POU2AF2: variants seen among roughly 807,000 people sequenced by gnomAD.
POU2AF2 encodes the protein POU class 2 homeobox associating factor 2, also known as POU domain class 2-associating factor 2.
the POU2AF2 span, among the ~76,000 whole-genome samples, chr11:111,258,969 T>C: frequency 2.0e-5 from 3 of 152,338 alleles, no homozygotes; most frequent in South Asian, 4.1e-4. Flanking sequence ...ACATGTAATA[T>C]ATAGTTTGTG....
At chr11:111,264,540 GAA>G in the POU2AF2 span, among the ~76,000 whole-genome samples, 243 of 63,770 alleles carry the variant, frequency 3.8e-3, 12 homozygotes, top group African/African-American at 0.012. Context: ...AAGAAAGAAA[GAA>G]AGAAAGAAAG....
At chr11:111,286,093 G>C in the POU2AF2 span, 1 of 1,594,744 alleles carries the variant, frequency 6.3e-7, no homozygotes, top group East Asian at 2.3e-5. Context: ...TCTTTAACTT[G>C]AGGTGTATTC....
At chr11:111,285,970 C>T in the POU2AF2 span, 24 of 1,613,794 alleles carry the variant, frequency 1.5e-5, no homozygotes, top group South Asian at 2.2e-5. Context: ...AAGCAGACAC[C>T]GGTTCCCTCC....
At chr11:111,276,453 A>AAAATATATATATATATAT in the POU2AF2 span, among the ~76,000 whole-genome samples, 49 of 37,488 alleles carry the variant, frequency 1.3e-3, no homozygotes, top group East Asian at 2.5e-3. Context: ...AAAAAAAAAA[A>AAAATATATATATATATAT]ATATATATAT....
the POU2AF2 span, among the ~76,000 whole-genome samples, chr11:111,253,914 C>T: frequency 6.6e-6 from 1 of 152,210 alleles, no homozygotes; most frequent in African/African-American, 2.4e-5. Context: ...TAAGCCCCAA[C>T]TCAGGTATCA....
chr11:111,278,544 ATCTC>A, the POU2AF2 span, among the ~76,000 whole-genome samples: 4 of 139,092 alleles, frequency 2.9e-5, no homozygotes, highest in African/African-American at 8.5e-5. Flanking sequence ...CAGAGAGATG[ATCTC>A]TCTCTCTGTC....
At chr11:111,266,001 C>A in the POU2AF2 span, among the ~76,000 whole-genome samples, 2 of 151,980 alleles carry the variant, frequency 1.3e-5, no homozygotes, top group African/African-American at 4.8e-5. Context: ...AAGATAATTT[C>A]AACTGCTCCC....
the POU2AF2 span, among the ~76,000 whole-genome samples, chr11:111,253,625 T>C: frequency 6.6e-6 from 1 of 152,206 alleles, no homozygotes; most frequent in Non-Finnish European, 1.5e-5. Flanking sequence ...TTCCCGCAGC[T>C]TTGTGATTCT....
the POU2AF2 span, among the ~76,000 whole-genome samples, chr11:111,257,919 A>T: frequency 6.6e-6 from 1 of 151,872 alleles, no homozygotes; most frequent in South Asian, 2.1e-4. Context: ...GGAGTTCCAG[A>T]CCAGCCTGGC....
the POU2AF2 span, among the ~76,000 whole-genome samples, chr11:111,276,113 A>C: frequency 1.3e-5 from 2 of 152,020 alleles, no homozygotes; most frequent in African/African-American, 4.8e-5. Flanking sequence ...GATGGCTGAC[A>C]TTTTTTCAGA....
chr11:111,284,035 G>T, the POU2AF2 span: 1 of 1,590,854 alleles, frequency 6.3e-7, no homozygotes, highest in Non-Finnish European at 8.6e-7. Context: ...TGACCGCCCT[G>T]GGAGGAATTT....
At chr11:111,280,057 A>AAATATATAT in the POU2AF2 span, among the ~76,000 whole-genome samples, 8 of 76,480 alleles carry the variant, frequency 1.0e-4, no homozygotes, top group African/African-American at 2.5e-4. Flanking sequence ...AAAAAAAAAA[A>AAATATATAT]ATATATATAT....
At chr11:111,276,328 T>A in the POU2AF2 span, among the ~76,000 whole-genome samples, 1 of 151,036 alleles carries the variant, frequency 6.6e-6, no homozygotes, top group African/African-American at 2.4e-5. Context: ...CCGGGCGCGG[T>A]GGCTCCTACC....
chr11:111,274,602 TAGAC>T, the POU2AF2 span, among the ~76,000 whole-genome samples: 14 of 151,184 alleles, frequency 9.3e-5, no homozygotes, highest in South Asian at 2.1e-4. Flanking sequence ...CAGAGACAGA[TAGAC>T]AGACAGACAG....
At chr11:111,284,667 T>G in the POU2AF2 span, among the ~76,000 whole-genome samples, 1 of 152,206 alleles carries the variant, frequency 6.6e-6, no homozygotes, top group African/African-American at 2.4e-5. Flanking sequence ...TTGCCTGATG[T>G]TCCCCCACCC....
the POU2AF2 span, among the ~76,000 whole-genome samples, chr11:111,280,765 C>T: frequency 2.0e-5 from 3 of 152,002 alleles, no homozygotes; most frequent in Non-Finnish European, 4.4e-5. Flanking sequence ...AAAAAGTAAA[C>T]GTTCTCAACT....
At chr11:111,273,823 C>A in the POU2AF2 span, among the ~76,000 whole-genome samples, 1 of 152,170 alleles carries the variant, frequency 6.6e-6, no homozygotes, top group Non-Finnish European at 1.5e-5. Flanking sequence ...TTGGGGGCAG[C>A]TGTGAGCCTG....
At chr11:111,254,318 AATG>A in the POU2AF2 span, among the ~76,000 whole-genome samples, 2 of 152,244 alleles carry the variant, frequency 1.3e-5, no homozygotes, top group African/African-American at 2.4e-5. Flanking sequence ...ATTAGACACA[AATG>A]ATGATTCAAA....
chr11:111,252,454 C>T, the POU2AF2 span, among the ~76,000 whole-genome samples: 5 of 151,920 alleles, frequency 3.3e-5, no homozygotes, highest in Admixed American at 6.6e-5. Context: ...TGAGAATCAC[C>T]GACGTATATT....
Sources: gnomAD v4.1 joint callset for allele counts (sites outside exome capture counted in the v4.1 genomes callset) on GRCh38, gnomAD v4.1.1 for gene constraint, MANE v1.5 for transcripts, NCBI Gene and HGNC (gene_info 2026-07-23, HGNC 2026-07-21) for gene names.